The following ZNF385D variants were observed in gnomAD, a reference collection of about 807,000 sequenced individuals.
ZNF385D encodes zinc finger protein 385D.
ZNF385D carries 15 observed loss-of-function variants against 35.8 expected under a neutral mutation model. That is an observed-to-expected ratio of 0.42 (90% CI 0.28 to 0.64). The LOEUF (loss-of-function observed/expected upper bound fraction) is 0.64, where lower values mean the gene tolerates loss of function less well. Among genes scored for constraint, ZNF385D ranks in the 30% least tolerant of loss-of-function variants. ZNF385D has a pLI of 0.23. For missense variants in ZNF385D, 474 were observed against 494.6 expected (o/e 0.96, Z 0.39); for synonymous variants, 212 against 186.8 (o/e 1.13, Z -1.10).
At chr3:22,287,494 C>T (rs895857067) in intron 2 of ZNF385D, among the ~76,000 whole-genome samples, 1 of 151,874 alleles carries the variant, frequency 6.6e-6, no homozygotes, top group African/African-American at 2.4e-5. Context: ...TAATGATATA[C>T]TCTGAATCAT....
chr3:22,286,647 C>T (rs929729904), intron 2 of ZNF385D, among the ~76,000 whole-genome samples: 1 of 152,046 alleles, frequency 6.6e-6, no homozygotes, highest in Non-Finnish European at 1.5e-5. Flanking sequence ...TCTTATTTGA[C>T]TCAATAGTTG....
chr3:21,861,848 T>A (rs1373821884), intron 3 of ZNF385D, among the ~76,000 whole-genome samples: 1 of 152,052 alleles, frequency 6.6e-6, no homozygotes, highest in African/African-American at 2.4e-5. Context: ...GTACCTAGCA[T>A]TCCCTTGAGA....
At chr3:22,095,987 CT>C (rs554350621) in intron 3 of ZNF385D, among the ~76,000 whole-genome samples, 1 of 151,722 alleles carries the variant, frequency 6.6e-6, no homozygotes, top group African/African-American at 2.4e-5. Context: ...TGACTAAAGT[CT>C]TTGGTAATAA....
chr3:21,839,673 T>G (rs2125783540), intron 3 of ZNF385D, among the ~76,000 whole-genome samples: 1 of 152,186 alleles, frequency 6.6e-6, no homozygotes, highest in Non-Finnish European at 1.5e-5. Context: ...CCAGACCACA[T>G]CACTTTGCCT....
At chr3:22,313,684 T>A (rs1279735989) in intron 2 of ZNF385D, among the ~76,000 whole-genome samples, 3 of 152,140 alleles carry the variant, frequency 2.0e-5, no homozygotes, top group Admixed American at 2.0e-4. Context: ...TAGCAGGAAA[T>A]CATCTATAAA....
chr3:22,087,997 G>C (rs1231627086), intron 3 of ZNF385D, among the ~76,000 whole-genome samples: 1 of 152,178 alleles, frequency 6.6e-6, no homozygotes, highest in Non-Finnish European at 1.5e-5. Context: ...AATGTACAGA[G>C]AAAGAATGTT....
chr3:21,938,966 T>G (rs1701387929), intron 3 of ZNF385D, among the ~76,000 whole-genome samples: 1 of 152,190 alleles, frequency 6.6e-6, no homozygotes, highest in East Asian at 1.9e-4. Flanking sequence ...AGTCTTCCAG[T>G]TCAAGGCCCA....
intron 3 of ZNF385D, among the ~76,000 whole-genome samples, chr3:21,817,134 T>C (rs901913443): frequency 2.6e-5 from 4 of 152,162 alleles, no homozygotes; most frequent in South Asian, 2.1e-4. Flanking sequence ...TAGCCATATA[T>C]AGAAATGTGA....
chr3:22,149,085 C>G (rs1705056923), intron 3 of ZNF385D, among the ~76,000 whole-genome samples: 1 of 152,162 alleles, frequency 6.6e-6, no homozygotes, highest in Non-Finnish European at 1.5e-5. Flanking sequence ...GCAGCATCAA[C>G]TAAGAGCTGG....
intron 3 of ZNF385D, among the ~76,000 whole-genome samples, chr3:22,089,969 G>T (rs2620541): frequency 0.13 from 19,425 of 152,096 alleles, 1,552 homozygotes; most frequent in Middle Eastern, 0.24. Flanking sequence ...CTCTCGAGTA[G>T]CTGGGACTAC....
At chr3:22,340,702 C>G (rs1049125695) in intron 2 of ZNF385D, among the ~76,000 whole-genome samples, 1 of 152,056 alleles carries the variant, frequency 6.6e-6, no homozygotes, top group East Asian at 1.9e-4. Flanking sequence ...GATACAAATA[C>G]AAGTACATGA....
rs1372764008 is a variant in ZNF385D at position 21,681,298 on chromosome 3, T to A, written c.23-16270A>T. Among the ~76,000 whole-genome samples the A allele has an allele frequency of 7.9e-4, 51 of 64,468 alleles. 1 individual carries two copies. The highest frequency in any genetic ancestry group is 1.6e-3 in the Admixed American group (6 of 3,788). The allele number at this position is 64,468 out of a possible 152,430, so 42.3% of individuals were successfully genotyped here. On this transcript the variant is annotated intron_variant, in intron 1 of 7. Transcript: ENST00000281523. ...AGCCTATGTGAATATATTCCATCAG[T>A]AAAAAAAAAAAAAAAAAAAAAAAAA...
At chr3:21,445,528 A>C (rs1166819483) in intron 4 of ZNF385D, among the ~76,000 whole-genome samples, 1 of 152,220 alleles carries the variant, frequency 6.6e-6, no homozygotes, top group Non-Finnish European at 1.5e-5. Flanking sequence ...ATGTCTTTTT[A>C]GCCTAATTTA....
intron 2 of ZNF385D, among the ~76,000 whole-genome samples, chr3:22,355,581 G>T (rs935318587): frequency 6.6e-6 from 1 of 151,822 alleles, no homozygotes; most frequent in African/African-American, 2.4e-5. Flanking sequence ...CTTAAAGAAG[G>T]TACCTGGAAT....
intron 3 of ZNF385D, among the ~76,000 whole-genome samples, chr3:21,845,222 C>A (rs1695929702): frequency 1.3e-5 from 2 of 151,802 alleles, no homozygotes. Context: ...TAGAATAGAG[C>A]TTCCTGAGAT....
intron 3 of ZNF385D, among the ~76,000 whole-genome samples, chr3:22,047,974 A>T (rs966583128): frequency 2.6e-5 from 4 of 152,038 alleles, no homozygotes; most frequent in African/African-American, 7.2e-5. Flanking sequence ...TTGTGGATTT[A>T]ATTTGCATTT....
chr3:22,368,758 G>C (rs71316085), intron 2 of ZNF385D, among the ~76,000 whole-genome samples: 45,075 of 151,992 alleles, frequency 0.3, 8,374 homozygotes, highest in South Asian at 0.53. Context: ...TTTCTCAAAG[G>C]CTTCACCTCA....
At chr3:22,069,581 T>G (rs1237097974) in intron 3 of ZNF385D, among the ~76,000 whole-genome samples, 36 of 152,218 alleles carry the variant, frequency 2.4e-4, no homozygotes, top group Admixed American at 2.4e-3. Flanking sequence ...TAAGTATATC[T>G]GTGTTTTAGA....
chr3:21,496,507 T>A lies in ZNF385D; in HGVS notation c.439+14354A>T, dbSNP rs1347582304. On this transcript the variant is annotated intron_variant, in intron 4 of 7. Coordinates refer to ENST00000281523, the MANE Select transcript of ZNF385D (RefSeq NM_024697.3). Reference sequence around the variant, plus strand: ...ACACATATATTTGATATATATATCATATATATATACACATATATTTGATAT... The same window carrying A: ...ACACATATATTTGATATATATATCAAATATATATACACATATATTTGATAT... 3.0e-5 allele frequency among the ~76,000 whole-genome samples: 4 copies of A among 132,226 alleles called. No homozygotes were observed. In the South Asian group the frequency reaches 7.4e-4, roughly 24 times the overall value. 86.7% of individuals were successfully genotyped at this position (132,226 alleles called of 152,430 possible). A position where few individuals can be genotyped will look rare whatever the true frequency, so the allele number is the denominator to read the frequency against.
Sources: gnomAD v4.1 joint callset for allele counts (sites outside exome capture counted in the v4.1 genomes callset) on GRCh38, gnomAD v4.1.1 for gene constraint, MANE v1.5 for transcripts, NCBI Gene and HGNC (gene_info 2026-07-23, HGNC 2026-07-21) for gene names.